The following KIF1B variants were observed in gnomAD, a reference collection of about 807,000 sequenced individuals.
KIF1B encodes kinesin family member 1B.
In KIF1B, 76 loss-of-function variants were observed where a neutral mutation model predicts 241.9. That is an observed-to-expected ratio of 0.31 (90% CI 0.26 to 0.38). The LOEUF is 0.38. KIF1B is among the 10% of genes least tolerant of loss of function. The pLI, the probability that KIF1B is intolerant of heterozygous loss-of-function variation, is 1.00. For synonymous variants in KIF1B, 750 were observed against 796.7 expected, an observed-to-expected ratio of 0.94 and a Z score of 0.99; for missense variants, 1,622 against 2,271.4, an observed-to-expected ratio of 0.71 and a Z score of 5.81.
chr1:10,272,399 G>C, intron 9 of KIF1B, 93 bp downstream of exon 9: 1 of 864,002 alleles, frequency 1.2e-6, no homozygotes, highest in Non-Finnish European at 2.0e-6. Context: ...CTGTCTTTTT[G>C]TGGCCCTTTT....
In KIF1B at chr1:10,326,425, G is replaced by A. The variant is rs1651726723; in HGVS notation, c.2924+66G>A. ...TCTTGCTCTGAAGGCCTCCCTGCTTGCACAATTTTGGATAACCTTGCATTA... is the reference window on the plus strand; with the variant it reads ...TCTTGCTCTGAAGGCCTCCCTGCTTACACAATTTTGGATAACCTTGCATTA... On this transcript the variant is annotated intron_variant, in intron 27 of 48. Coordinates refer to ENST00000676179, the MANE Select transcript of KIF1B (RefSeq NM_001365951.3). This position sits in a 1 kb window ranked among gnomAD's most constrained non-coding sequence, Gnocchi z 5.2. 2 of 1,606,116 alleles carry A rather than the reference G, an allele frequency of 1.2e-6. No individual in the cohort carries two copies. The highest frequency in any genetic ancestry group is 1.7e-6 in the Non-Finnish European group (2 of 1,175,934).
In KIF1B at chr1:10,359,541, G is replaced by A. The variant is rs371466097; in HGVS notation, c.4056-1388G>A. ...GTTGTTTTACCAGTAGAAAAAAAAC[G>A]ATATTAGAACAATAACAACAAAATA... On this transcript the variant is annotated intron_variant, in intron 38 of 48. Coordinates refer to ENST00000676179, the MANE Select transcript of KIF1B (RefSeq NM_001365951.3). Among the ~76,000 whole-genome samples the A allele has an allele frequency of 2.8e-4, 42 of 152,086 alleles. No individual in the cohort carries two copies. The East Asian group carries it at 6.6e-3, about 24-fold the overall frequency.
chr1:10,319,103 CTTT>C (rs1267312262), intron 22 of KIF1B, among the ~76,000 whole-genome samples: 5 of 131,932 alleles, frequency 3.8e-5, no homozygotes, highest in African/African-American at 3.0e-5. Context: ...TACAATAATC[CTTT>C]TTTTTTTTTT....
rs1638910858 is a variant in KIF1B at position 10,377,056 on chromosome 1, C to G, written c.*469C>G. 4.0e-6 allele frequency: 1 copy of G among 252,310 alleles called. No individual in the cohort carries two copies. Among genetic ancestry groups the G allele is most frequent in the Non-Finnish European group, 7.8e-6 (1 of 127,538 alleles). 15.6% of individuals were successfully genotyped at this position (252,310 alleles called of 1,614,324 possible). On this transcript the variant is annotated 3_prime_UTR_variant, in exon 49 of 49. Transcript: ENST00000676179. Reference sequence around the variant, plus strand: ...TTTTTCTTTTCTCTGTTTGTGATATCACTTTAATTTTTCTTGGGTGGCTTA... The same window carrying G: ...TTTTTCTTTTCTCTGTTTGTGATATGACTTTAATTTTTCTTGGGTGGCTTA...
chr1:10,296,395 C>CAGAT (rs1219871187), intron 19 of KIF1B, among the ~76,000 whole-genome samples, 187 bp from the exon 20 acceptor site: 1 of 152,148 alleles, frequency 6.6e-6, no homozygotes, highest in Non-Finnish European at 1.5e-5. Context: ...GCCATGGCCA[C>CAGAT]AGATAGCCTC....
At chr1:10,340,973 A>G (rs1569860029) in intron 32 of KIF1B, among the ~76,000 whole-genome samples, 1 of 152,198 alleles carries the variant, frequency 6.6e-6, no homozygotes, top group African/African-American at 2.4e-5. Flanking sequence ...AAGATGGAAC[A>G]AGCAAACACA....
At chr1:10,316,729 T>C (rs750876883) in intron 22 of KIF1B, among the ~76,000 whole-genome samples, 37 of 151,698 alleles carry the variant, frequency 2.4e-4, no homozygotes, top group Middle Eastern at 3.4e-3. Context: ...CTGGAATTCC[T>C]GGGCTCAAGC....
intron 1 of KIF1B, among the ~76,000 whole-genome samples, chr1:10,222,396 T>G (rs1257665784): frequency 1.3e-5 from 2 of 152,132 alleles, no homozygotes; most frequent in Non-Finnish European, 2.9e-5. Context: ...GTGGAGGCCC[T>G]TGAACTTTTA....
At chr1:10,316,223 AC>A (rs34533851) in intron 22 of KIF1B, among the ~76,000 whole-genome samples, 41,536 of 150,366 alleles carry the variant, frequency 0.28, 6,235 homozygotes, top group Admixed American at 0.33. Context: ...ACAGAGGGAG[AC>A]CCTTTCTCCA....
chr1:10,314,297 T>C (rs1049623311), intron 22 of KIF1B, among the ~76,000 whole-genome samples: 2 of 151,734 alleles, frequency 1.3e-5, no homozygotes, highest in African/African-American at 4.9e-5. Flanking sequence ...GGTGATGATA[T>C]ACAGTGTCCT....
At chr1:10,306,127 A>G (rs1650817547) in intron 22 of KIF1B, 2 of 1,040,556 alleles carry the variant, frequency 1.9e-6, no homozygotes, top group African/African-American at 3.3e-5. Flanking sequence ...ATACTTTCTT[A>G]ATGCTCAGAA....
At chr1:10,363,661 G>A (rs1638487095) in intron 41 of KIF1B, among the ~76,000 whole-genome samples, 1 of 152,144 alleles carries the variant, frequency 6.6e-6, no homozygotes, top group Non-Finnish European at 1.5e-5. Context: ...CCACTGCACT[G>A]CAGCCTAGGT....
intron 1 of KIF1B, chr1:10,227,716 G>A (rs1646928140): frequency 6.5e-6 from 1 of 153,980 alleles, no homozygotes; most frequent in Non-Finnish European, 1.5e-5. Context: ...GCTGAGGTAG[G>A]AGAATCGCTT....
chr1:10,248,585 A>G (rs866385707), intron 2 of KIF1B, among the ~76,000 whole-genome samples: 2 of 152,284 alleles, frequency 1.3e-5, no homozygotes, highest in Non-Finnish European at 2.9e-5. Context: ...ATTTCTGATG[A>G]TGAAAGATGT....
At chr1:10,344,965 G>C (rs975624173) in intron 34 of KIF1B, 28 of 152,358 alleles carry the variant, frequency 1.8e-4, no homozygotes, top group Admixed American at 5.2e-4. Flanking sequence ...GGCTGAGTCG[G>C]ACAGATTGCT....
intron 22 of KIF1B, chr1:10,304,876 T>C: frequency 7.2e-7 from 1 of 1,383,722 alleles, no homozygotes; most frequent in Non-Finnish European, 9.3e-7. Flanking sequence ...CAAGAACTCC[T>C]TTTTCTGAAA....
At chr1:10,283,912 C>T (rs541645619) in intron 15 of KIF1B, among the ~76,000 whole-genome samples, 2 of 152,230 alleles carry the variant, frequency 1.3e-5, no homozygotes, top group South Asian at 2.1e-4. Context: ...AAAGGCTTGC[C>T]GAAAAACTCT....
intron 1 of KIF1B, among the ~76,000 whole-genome samples, chr1:10,218,675 C>T (rs1244551687): frequency 6.6e-6 from 1 of 152,170 alleles, no homozygotes; most frequent in Non-Finnish European, 1.5e-5. Flanking sequence ...CCCGCCTTGG[C>T]CTCCCAAAGT....
intron 37 of KIF1B, 80 bp from the exon 38 acceptor site, chr1:10,352,551 A>G: frequency 2.4e-6 from 3 of 1,248,648 alleles, no homozygotes; most frequent in South Asian, 2.4e-5. Flanking sequence ...CAGAGATTTA[A>G]AAGTCTCTTT....
Sources: allele counts gnomAD v4.1 joint callset (sites outside exome capture counted in the v4.1 genomes callset), GRCh38; gene constraint gnomAD v4.1.1; non-coding constraint Gnocchi (gnomAD v3.1); transcripts MANE v1.5; gene names NCBI Gene and HGNC (gene_info 2026-07-23, HGNC 2026-07-21).